FAM240A: variants seen among roughly 807,000 people sequenced by gnomAD.
FAM240A encodes the protein protein FAM240A.
FAM240A carries 8 observed loss-of-function variants against 7.3 expected under a neutral mutation model. That is an observed-to-expected ratio of 1.09 (90% confidence interval 0.64 to 1.97). FAM240A has a LOEUF of 1.97. FAM240A is among the 30% of genes most tolerant of loss of function. FAM240A has a pLI of 0.00. For synonymous variants in FAM240A, 32 were observed against 35.9 expected, an observed-to-expected ratio of 0.89 and a Z score of 0.38; for missense variants, 90 against 102.2, an observed-to-expected ratio of 0.88 and a Z score of 0.52.
At chr3:46,624,297 A>G (rs1222210512) in intron 2 of FAM240A, among the ~76,000 whole-genome samples, 1 of 126,142 alleles carries the variant, frequency 7.9e-6, no homozygotes, top group Non-Finnish European at 1.6e-5. Context: ...TTTGAGACAG[A>G]GTCTTACTCC....
At chr3:46,622,114 T>C (rs112322237) in intron 2 of FAM240A, among the ~76,000 whole-genome samples, 17,093 of 136,492 alleles carry the variant, frequency 0.13, 1,336 homozygotes, top group East Asian at 0.3. Context: ...TTCTTTTTTT[T>C]TTTTTTTTTT....
intron 1 of FAM240A, among the ~76,000 whole-genome samples, chr3:46,613,854 C>A (rs535163100): frequency 6.6e-6 from 1 of 152,316 alleles, no homozygotes; most frequent in South Asian, 2.1e-4. Flanking sequence ...TGAGGAGGGG[C>A]CCTGTCTTAT....
In FAM240A at chr3:46,618,890, C is replaced by T. The variant is rs991110260; in HGVS notation, c.161+1562C>T. On this transcript the variant is annotated intron_variant, in intron 2 of 2. Transcript: ENST00000640551. ...ATGTATATATATATATATACACACA[C>T]ACACACACACACACACACACACACA... 9.4e-5 allele frequency among the ~76,000 whole-genome samples: 13 copies of T among 138,898 alleles called. 1 individual carries two copies. Among genetic ancestry groups the T allele is most frequent in the African/African-American group, 3.1e-4 (12 of 38,278 alleles). 91.1% of individuals were successfully genotyped at this position (138,898 alleles called of 152,430 possible).
At chr3:46,618,867 GTATA>G (rs35741930) in intron 2 of FAM240A, among the ~76,000 whole-genome samples, 18,209 of 138,510 alleles carry the variant, frequency 0.13, 1,374 homozygotes, top group East Asian at 0.3. Context: ...ATATATATAT[GTATA>G]TATATATATA....
In FAM240A at chr3:46,621,357, C is replaced by T. The variant is rs569504031; in HGVS notation, c.162-3771C>T. Among the ~76,000 whole-genome samples, 6 of 149,242 alleles carry T rather than the reference C, an allele frequency of 4.0e-5. No individual in the cohort carries two copies. In the East Asian group the frequency reaches 1.2e-3, roughly 29 times the overall value. Reference sequence around the variant, plus strand: ...ACTGTATTAACAGACTTTATATTGTCTGTTAATATAGCCAAACCAACCTTG... The same window carrying T: ...ACTGTATTAACAGACTTTATATTGTTTGTTAATATAGCCAAACCAACCTTG... On this transcript the variant is annotated intron_variant, in intron 2 of 2. Coordinates refer to ENST00000640551, the MANE Select transcript of FAM240A (RefSeq NM_001195442.2).
At chr3:46,617,356 G>T (rs1470894818) in intron 2 of FAM240A, 28 bp downstream of exon 2, 2 of 1,486,360 alleles carry the variant, frequency 1.3e-6, no homozygotes, top group Middle Eastern at 1.7e-4. Flanking sequence ...CTACTTTTTA[G>T]AATTAATTAA....
At chr3:46,614,803 A>C (rs1266509860) in intron 1 of FAM240A, among the ~76,000 whole-genome samples, 4 of 152,230 alleles carry the variant, frequency 2.6e-5, no homozygotes, top group Admixed American at 2.0e-4. Flanking sequence ...AATCTGTCAT[A>C]TACCCAAGAA....
rs1388573684 is a variant in FAM240A, at chr3:46,612,656, G to A, written c.-28G>A. ...CGGTCAAGTGCGACACATTTGGTTC[G>A]ACTGAATCGATGTCTTCACATCCCT... On this transcript the variant is annotated 5_prime_UTR_variant, in exon 1 of 3. Transcript: ENST00000640551. The A allele has an allele frequency of 6.5e-6, 10 of 1,534,244 alleles. No individual in the cohort carries two copies. Among genetic ancestry groups the A allele is most frequent in the South Asian group, 1.2e-5 (1 of 84,028 alleles).
chr3:46,616,418 G>A (rs919491788), intron 1 of FAM240A, among the ~76,000 whole-genome samples: 2 of 152,102 alleles, frequency 1.3e-5, no homozygotes, highest in African/African-American at 4.8e-5. Context: ...TTTAAGTCTT[G>A]GCTTTTAGTG....
intron 1 of FAM240A, among the ~76,000 whole-genome samples, chr3:46,616,690 T>TACACACACAC (rs3087116): frequency 3.0e-4 from 43 of 143,636 alleles, no homozygotes; most frequent in Non-Finnish European, 3.0e-4. Flanking sequence ...AGTATTCCAT[T>TACACACACAC]ACACACACAC....
Position 46,620,661 on chromosome 3 carries a change from A to G in FAM240A, c.161+3333A>G, listed in dbSNP as rs75958580. On this transcript the variant is annotated intron_variant, in intron 2 of 2. Transcript: ENST00000640551. ...GAACAAACAATCTGGTTTCAAAAAA[A>G]GAAAACAAAAACTGCAAGGGAAGGG... Among the ~76,000 whole-genome samples the G allele has an allele frequency of 8.6e-3, 1,309 of 152,300 alleles. 14 individuals carry two copies. Among genetic ancestry groups the G allele is most frequent in the African/African-American group, 0.028 (1,167 of 41,552 alleles).
Position 46,617,188 on chromosome 3 carries a change from G to A in FAM240A, c.21G>A (p.Met7Ile). 1 of 1,523,240 alleles carries A rather than the reference G, an allele frequency of 6.6e-7. No homozygotes were observed. Among genetic ancestry groups the A allele is most frequent in the Non-Finnish European group, 8.8e-7 (1 of 1,142,140 alleles). 94.4% of individuals were successfully genotyped at this position (1,523,240 alleles called of 1,614,324 possible). ...ATGGCTATTTTCCTTTTTAGGGGATGAACAATCAATACACCCGTCGGGAGG... is the reference window on the plus strand; with the variant it reads ...ATGGCTATTTTCCTTTTTAGGGGATAAACAATCAATACACCCGTCGGGAGG... MRLFSGMNNQYTRREVF... is the reference protein window; with the variant it reads MRLFSGINNQYTRREVF... The change falls in exon 2 of 3, where the codon ATG becomes ATA. Residue 7 changes from methionine (M) to isoleucine (I), a missense_variant. Transcript: ENST00000640551.
chr3:46,623,946 C>A (rs1304388709), intron 2 of FAM240A, among the ~76,000 whole-genome samples: 2 of 152,024 alleles, frequency 1.3e-5, no homozygotes, highest in African/African-American at 4.8e-5. Flanking sequence ...TGTTTATTCC[C>A]TTTTTCTCTT....
At chr3:46,617,622 C>G (rs546998448) in intron 2 of FAM240A, among the ~76,000 whole-genome samples, 2 of 152,158 alleles carry the variant, frequency 1.3e-5, no homozygotes, top group Non-Finnish European at 2.9e-5. Context: ...TTTAATTTTC[C>G]ATGCTTACAT....
At chr3:46,624,492 G>A (rs533498078) in intron 2 of FAM240A, among the ~76,000 whole-genome samples, 59 of 151,844 alleles carry the variant, frequency 3.9e-4, no homozygotes, top group Non-Finnish European at 5.4e-4. Flanking sequence ...GGCTGGTCTC[G>A]AACTCCTGAC....
At chr3:46,612,753 A>T (rs908930319) in intron 1 of FAM240A, 55 bp downstream of exon 1, 2 of 1,410,036 alleles carry the variant, frequency 1.4e-6, no homozygotes, top group Non-Finnish European at 1.9e-6. Context: ...ATGGTTATGG[A>T]GGTTATGGTT....
At chr3:46,615,732 T>C (rs1314875113) in intron 1 of FAM240A, among the ~76,000 whole-genome samples, 1 of 152,206 alleles carries the variant, frequency 6.6e-6, no homozygotes, top group African/African-American at 2.4e-5. Context: ...GCTTTTGAGC[T>C]TTCTACTATA....
At chr3:46,618,304 G>C (rs1202233150) in intron 2 of FAM240A, among the ~76,000 whole-genome samples, 3 of 152,192 alleles carry the variant, frequency 2.0e-5, no homozygotes. Context: ...CAGAAGTAGG[G>C]CATAGAAAGC....
intron 1 of FAM240A, among the ~76,000 whole-genome samples, chr3:46,613,507 A>ATAAATAAAT (rs1253319253): frequency 2.6e-5 from 4 of 151,278 alleles, no homozygotes; most frequent in African/African-American, 9.7e-5. Flanking sequence ...AAATAAATAA[A>ATAAATAAAT]TAAATAAATA....
Sources: allele counts gnomAD v4.1 joint callset (sites outside exome capture counted in the v4.1 genomes callset), GRCh38; gene constraint gnomAD v4.1.1; transcripts MANE v1.5; gene names NCBI Gene and HGNC (gene_info 2026-07-23, HGNC 2026-07-21).